Variants in TENM3 observed in about 807,000 individuals in gnomAD.
TENM3 encodes the protein teneurin transmembrane protein 3.
TENM3 carries 63 observed loss-of-function variants against 255.1 expected under a neutral mutation model. That is an observed-to-expected ratio of 0.25 (90% confidence interval 0.20 to 0.30). TENM3 has a LOEUF of 0.30. TENM3 is among the 10% of genes least tolerant of loss of function. TENM3 has a pLI of 1.00. For synonymous variants in TENM3, 1,306 were observed against 1,322.3 expected (o/e 0.99, Z 0.27); for missense variants, 2,929 against 3,461.1 (o/e 0.85, Z 3.86).
chr4:181,606,083 C>T, the TENM3 span, among the ~76,000 whole-genome samples: 1 of 152,138 alleles, frequency 6.6e-6, no homozygotes, highest in East Asian at 1.9e-4. Context: ...GATTCTAAGA[C>T]CTTTCAATTC....
In TENM3 at chr4:182,408,220, A is replaced by C. The variant is rs1302936957; in HGVS notation, c.511+61291A>C. 3.3e-5 allele frequency among the ~76,000 whole-genome samples: 5 copies of C among 152,234 alleles called. No homozygotes were observed. The East Asian group carries it at 9.6e-4, about 29-fold the overall frequency. ...GTAAATCATTGCAAGAATAGACATA[A>C]ATATCAACTTAGTTGTATTTAAACT... On this transcript the variant is annotated intron_variant, in intron 3 of 27. Coordinates refer to ENST00000511685, the MANE Select transcript of TENM3 (RefSeq NM_001080477.4).
At chr4:181,621,416 T>C in the TENM3 span, among the ~76,000 whole-genome samples, 1 of 152,192 alleles carries the variant, frequency 6.6e-6, no homozygotes, top group Non-Finnish European at 1.5e-5. Context: ...GAAGAGCAAT[T>C]TGACGAGTTA....
Position 182,179,630 on chromosome 4 carries a change from C to T in TENM3, c.-76+34876C>T, listed in dbSNP as rs536051105. Among the ~76,000 whole-genome samples, 5 of 152,198 alleles carry T rather than the reference C, an allele frequency of 3.3e-5. No individual in the cohort carries two copies. The South Asian group carries it at 1.0e-3, about 32-fold the overall frequency. On this transcript the variant is annotated intron_variant, in intron 1 of 2. Coordinates refer to the TENM3 transcript ENST00000512480. Reference sequence around the variant, plus strand: ...AGAGAACAACAAAATGTACTGAAAACCTCAAAGTAATCTCTGCTCTGAAAC... The same window carrying T: ...AGAGAACAACAAAATGTACTGAAAATCTCAAAGTAATCTCTGCTCTGAAAC...
chr4:181,793,023 A>G, the TENM3 span, among the ~76,000 whole-genome samples: 2 of 152,164 alleles, frequency 1.3e-5, no homozygotes, highest in Non-Finnish European at 2.9e-5. Context: ...ATAAATTAAG[A>G]CAAACACTGT....
intron 22 of TENM3, among the ~76,000 whole-genome samples, chr4:182,763,934 A>G (rs1454971895): frequency 6.6e-5 from 10 of 152,164 alleles, no homozygotes; most frequent in Non-Finnish European, 1.3e-4. Context: ...TAGCTCATTC[A>G]CCCCTTACTA....
the TENM3 span, among the ~76,000 whole-genome samples, chr4:182,120,416 G>C: frequency 2.6e-5 from 4 of 152,070 alleles, no homozygotes; most frequent in Non-Finnish European, 5.9e-5. Context: ...TCTCTGCCAA[G>C]CGATGCACAA....
the TENM3 span, among the ~76,000 whole-genome samples, chr4:181,483,672 G>A: frequency 6.6e-6 from 1 of 151,806 alleles, no homozygotes. Context: ...TATTTGATTT[G>A]GCTTTTCTTC....
At chr4:181,629,258 A>G in the TENM3 span, among the ~76,000 whole-genome samples, 1 of 152,124 alleles carries the variant, frequency 6.6e-6, no homozygotes, top group Non-Finnish European at 1.5e-5. Flanking sequence ...GGATTTTCTA[A>G]ATATACAGTC....
chr4:182,268,729 C>T (rs1353108343), intron 1 of TENM3, among the ~76,000 whole-genome samples: 2 of 152,164 alleles, frequency 1.3e-5, no homozygotes, highest in African/African-American at 4.8e-5. Flanking sequence ...CTCCCACCAG[C>T]ACCCTGACAG....
intron 2 of TENM3, among the ~76,000 whole-genome samples, chr4:182,338,389 G>A (rs1452118099): frequency 6.6e-6 from 1 of 152,146 alleles, no homozygotes; most frequent in African/African-American, 2.4e-5. Flanking sequence ...TAAAGAGTTT[G>A]TGTCATAGAT....
At chr4:181,936,732 A>G in the TENM3 span, among the ~76,000 whole-genome samples, 2 of 151,956 alleles carry the variant, frequency 1.3e-5, no homozygotes, top group Non-Finnish European at 2.9e-5. Context: ...CAGAGGACCT[A>G]TCTGGCTTAA....
chr4:181,755,956 T>C, the TENM3 span, among the ~76,000 whole-genome samples: 4 of 152,274 alleles, frequency 2.6e-5, no homozygotes, highest in East Asian at 7.8e-4. Context: ...TCTGGTGCAC[T>C]GTCACGTCAT....
At chr4:182,332,719 A>G (rs1463512715) in intron 2 of TENM3, among the ~76,000 whole-genome samples, 1 of 151,964 alleles carries the variant, frequency 6.6e-6, no homozygotes, top group Non-Finnish European at 1.5e-5. Context: ...AAAAAAAAAA[A>G]AAGACAAGAA....
intron 3 of TENM3, among the ~76,000 whole-genome samples, chr4:182,409,051 G>T (rs532298390): frequency 6.6e-6 from 1 of 152,362 alleles, no homozygotes; most frequent in Non-Finnish European, 1.5e-5. Flanking sequence ...CCATGCTGTG[G>T]CACTCTGACA....
At chr4:182,060,931 AACTT>A in the TENM3 span, among the ~76,000 whole-genome samples, 2 of 152,160 alleles carry the variant, frequency 1.3e-5, no homozygotes, top group South Asian at 2.1e-4. Context: ...ATGATATTGA[AACTT>A]ACTTGTTAGC....
the TENM3 span, among the ~76,000 whole-genome samples, chr4:181,753,544 A>G: frequency 6.6e-6 from 1 of 150,478 alleles, no homozygotes; most frequent in Admixed American, 6.6e-5. Flanking sequence ...AAAAAAAAAG[A>G]TGGATTTATC....
chr4:181,631,375 C>G, the TENM3 span, among the ~76,000 whole-genome samples: 1 of 152,074 alleles, frequency 6.6e-6, no homozygotes, highest in Non-Finnish European at 1.5e-5. Flanking sequence ...CCGTAACCTC[C>G]GCCTCCCAGG....
intron 24 of TENM3, among the ~76,000 whole-genome samples, chr4:182,787,680 A>G (rs1016837087): frequency 2.1e-5 from 3 of 142,912 alleles, no homozygotes; most frequent in Admixed American, 7.4e-5. Context: ...GGCTGCAGTG[A>G]GCCGAGATCG....
intron 3 of TENM3, among the ~76,000 whole-genome samples, chr4:182,487,939 G>C (rs1363116704): frequency 6.6e-6 from 1 of 152,172 alleles, no homozygotes; most frequent in African/African-American, 2.4e-5. Flanking sequence ...CTAGAATATG[G>C]TGGGTTAAAA....
Sources: gnomAD v4.1 joint callset for allele counts (sites outside exome capture counted in the v4.1 genomes callset) on GRCh38, gnomAD v4.1.1 for gene constraint, MANE v1.5 for transcripts, NCBI Gene and HGNC (gene_info 2026-07-23, HGNC 2026-07-21) for gene names.